The following NCAPG2 variants were observed in gnomAD, a reference collection of about 807,000 sequenced individuals.
NCAPG2 encodes the protein condensin-2 complex subunit G2.
Under a neutral mutation model 141.1 loss-of-function variants are expected in NCAPG2, and 53 were observed. The ratio of observed to expected loss-of-function variants is 0.38; its 90% CI spans 0.30 to 0.47. The LOEUF (loss-of-function observed/expected upper bound fraction) is 0.47. NCAPG2 is among the 20% of genes least tolerant of loss of function. NCAPG2 has a pLI of 0.99. For synonymous variants in NCAPG2, 499 were observed against 490.7 expected, an observed-to-expected ratio of 1.02 and a Z score of -0.22; for missense variants, 1,087 against 1,389.0, an observed-to-expected ratio of 0.78 and a Z score of 3.46.
intron 21 of NCAPG2, 132 bp from the exon 22 acceptor site, chr7:158,654,826 G>A (rs1160582816): frequency 2.4e-5 from 34 of 1,396,218 alleles, no homozygotes; most frequent in Non-Finnish European, 3.1e-5. Flanking sequence ...GTTTTATAAA[G>A]GAATTTTCAT....
chr7:158,688,828 G>A lies in NCAPG2; in HGVS notation c.672+991C>T, dbSNP rs116240501. Among the ~76,000 whole-genome samples, 1,292 of 152,290 alleles carry A rather than the reference G, an allele frequency of 8.5e-3. 25 individuals are homozygous for A. Among genetic ancestry groups the A allele is most frequent in the African/African-American group, 0.029 (1,211 of 41,554 alleles). On this transcript the variant is annotated intron_variant, in intron 6 of 27. Coordinates refer to ENST00000356309, the MANE Select transcript of NCAPG2 (RefSeq NM_017760.7). ...TTGTCTAGCAGACTGCAGATGGCTC[G>A]CCGGGGTCCAGTTCTGTCTCTGCCG...
In NCAPG2 at chr7:158,690,586, C is replaced by G; in HGVS notation, c.519G>C (p.Arg173Ser). Residue 173 changes from arginine (R) to serine (S), a missense_variant, in exon 5 of 28, where the codon AGG becomes AGC. By Grantham distance (110) the Arg-to-Ser change is moderately radical. Transcript: ENST00000356309. Reference protein sequence around the residue: ...GKTAFVMLLRRSLETKTGADV... With the variant: ...GKTAFVMLLRSSLETKTGADV... The stretch of plus-strand genomic sequence containing the variant: ...AGCATACTGTCTTAGTCTCCAGACT[C>G]CTCCTTAGTAACATGACAAAGGCTG... The G allele has an allele frequency of 1.2e-6, 2 of 1,614,114 alleles. No homozygotes were observed. The highest frequency in any genetic ancestry group is 2.2e-5 in the South Asian group (2 of 91,078).
intron 1 of NCAPG2, among the ~76,000 whole-genome samples, chr7:158,703,094 G>A (rs945899598): frequency 6.6e-6 from 1 of 152,220 alleles, no homozygotes; most frequent in African/African-American, 2.4e-5. Flanking sequence ...TACAGCCTAT[G>A]TGTGTAGGCT....
In NCAPG2 at chr7:158,658,378, G is replaced by A; in HGVS notation, c.2020C>T (p.Leu674=). Residue 674 remains leucine (L), a synonymous_variant, in exon 17 of 28, where the codon CTA becomes TTA. Transcript: ENST00000356309. The part of the protein sequence containing the change: ...DDRCKIPLFM[L]MSFMPASAVP... Reference sequence around the variant, plus strand: ...GCAGAGGCCGGCATAAAGGACATTAGCATGAATAAAGGGATCTTGCAGCGA... The same window carrying A: ...GCAGAGGCCGGCATAAAGGACATTAACATGAATAAAGGGATCTTGCAGCGA... The A allele has an allele frequency of 1.2e-6, 2 of 1,612,460 alleles. No individual in the cohort carries two copies. The highest frequency in any genetic ancestry group is 2.2e-5 in the South Asian group (2 of 90,790).
At chr7:158,675,797 G>T in intron 11 of NCAPG2, 141 bp from the exon 12 acceptor site, 1 of 850,586 alleles carries the variant, frequency 1.2e-6, no homozygotes, top group Non-Finnish European at 1.8e-6. Flanking sequence ...TGGATTCCTA[G>T]ACCTGAGATT....
intron 7 of NCAPG2, among the ~76,000 whole-genome samples, 158 bp downstream of exon 7, chr7:158,687,190 A>G (rs1395825141): frequency 6.6e-6 from 1 of 152,278 alleles, no homozygotes; most frequent in African/African-American, 2.4e-5. Flanking sequence ...ATGATTTCCT[A>G]TAAAAGGAAA....
chr7:158,685,652 GA>G (rs1215235462), intron 8 of NCAPG2, among the ~76,000 whole-genome samples: 3 of 151,408 alleles, frequency 2.0e-5, no homozygotes, highest in East Asian at 3.9e-4. Flanking sequence ...TGATGACAAG[GA>G]AAAAAAAGTC....
intron 22 of NCAPG2, among the ~76,000 whole-genome samples, chr7:158,653,248 C>T (rs1395081245): frequency 1.3e-5 from 2 of 151,682 alleles, no homozygotes; most frequent in Non-Finnish European, 2.9e-5. Context: ...GTAATCCCAG[C>T]TACTCAGGAG....
At chr7:158,636,512 C>T (rs1830211580) in intron 27 of NCAPG2, among the ~76,000 whole-genome samples, 1 of 151,682 alleles carries the variant, frequency 6.6e-6, no homozygotes, top group South Asian at 2.1e-4. Flanking sequence ...AGTGATTCTC[C>T]TGCCTCAGCC....
rs776478016 is a variant in NCAPG2 at position 158,645,666 on chromosome 7, C to T, written c.3180-47G>A. 8 of 1,524,542 alleles carry T rather than the reference C, an allele frequency of 5.2e-6. No homozygotes were observed. In the South Asian group the frequency reaches 6.8e-5, roughly 13 times the overall value. 94.4% of individuals were successfully genotyped at this position (1,524,542 alleles called of 1,614,324 possible). A position where few individuals can be genotyped will look rare whatever the true frequency, so the allele number is the denominator to read the frequency against. ...TCAAAATTACTGTATCATATAGACC[C>T]TAATACATTATAGCAGAAGTACAGC... is the stretch of plus-strand genomic sequence containing the variant. On this transcript the variant is annotated intron_variant, in intron 25 of 27. Coordinates refer to ENST00000356309, the MANE Select transcript of NCAPG2 (RefSeq NM_017760.7).
chr7:158,692,074 G>A (rs1296665253), intron 4 of NCAPG2, among the ~76,000 whole-genome samples: 1 of 152,206 alleles, frequency 6.6e-6, no homozygotes, highest in East Asian at 1.9e-4. Flanking sequence ...CCAGGGCAAG[G>A]TGGGAGGATC....
At chr7:158,658,787 A>G (rs879377381) in intron 16 of NCAPG2, among the ~76,000 whole-genome samples, 1 of 152,208 alleles carries the variant, frequency 6.6e-6, no homozygotes, top group Non-Finnish European at 1.5e-5. Flanking sequence ...AACTCTATAC[A>G]CTTGGTATCC....
chr7:158,644,897 A>T (rs571106893), intron 26 of NCAPG2, among the ~76,000 whole-genome samples: 1 of 152,206 alleles, frequency 6.6e-6, no homozygotes, highest in South Asian at 2.1e-4. Flanking sequence ...AGTTTGTTTC[A>T]ATAGAAGCAC....
At chr7:158,681,999 AT>A (rs1188778359) in intron 9 of NCAPG2, among the ~76,000 whole-genome samples, 2 of 152,322 alleles carry the variant, frequency 1.3e-5, no homozygotes, top group South Asian at 4.1e-4. Flanking sequence ...ATAATGTGTT[AT>A]AAGTTGTGAC....
intron 16 of NCAPG2, among the ~76,000 whole-genome samples, chr7:158,659,963 T>C (rs1318378966): frequency 6.6e-6 from 1 of 151,908 alleles, no homozygotes; most frequent in Non-Finnish European, 1.5e-5. Context: ...TACAAAAATA[T>C]TAGCCACGAA....
At chr7:158,637,104 T>C (rs11978891) in intron 27 of NCAPG2, among the ~76,000 whole-genome samples, 2,996 of 152,126 alleles carry the variant, frequency 0.02, 43 homozygotes, top group African/African-American at 0.029. Context: ...CCCGCCACCA[T>C]GCCCGGCTAA....
intron 13 of NCAPG2, among the ~76,000 whole-genome samples, chr7:158,666,806 G>A (rs893866655): frequency 3.9e-5 from 6 of 152,126 alleles, no homozygotes; most frequent in African/African-American, 1.4e-4. Flanking sequence ...ATGCATTGAA[G>A]GGAGAGGGTT....
Position 158,633,371 on chromosome 7 carries a change from C to T in NCAPG2, c.3381-1654G>A, listed in dbSNP as rs1207201992. ...ACTGTCCTTTCGGGGTTACAGTTGACTCTTCTTCAAAGACTCTTATTACTC... is the reference window on the plus strand; with the variant it reads ...ACTGTCCTTTCGGGGTTACAGTTGATTCTTCTTCAAAGACTCTTATTACTC... On this transcript the variant is annotated intron_variant, in intron 27 of 27. Coordinates refer to ENST00000356309, the MANE Select transcript of NCAPG2 (RefSeq NM_017760.7). The surrounding 1 kb of genome is among the most constrained non-coding windows in gnomAD (Gnocchi z 4.1). 6.6e-6 allele frequency among the ~76,000 whole-genome samples: 1 copy of T among 152,214 alleles called. No homozygotes were observed. The highest frequency in any genetic ancestry group is 2.4e-5 in the African/African-American group (1 of 41,464).
At chr7:158,672,329 T>TATATATATATA (rs1376306896) in intron 12 of NCAPG2, among the ~76,000 whole-genome samples, 1 of 26,532 alleles carries the variant, frequency 3.8e-5, no homozygotes, top group African/African-American at 1.5e-4. Context: ...TATATATATA[T>TATATATATATA]TTTTTTTTTT....
Sources: allele counts gnomAD v4.1 joint callset (sites outside exome capture counted in the v4.1 genomes callset), GRCh38; gene constraint gnomAD v4.1.1; non-coding constraint Gnocchi (gnomAD v3.1); transcripts MANE v1.5; gene names NCBI Gene and HGNC (gene_info 2026-07-23, HGNC 2026-07-21).